MRPL13: variants seen among roughly 807,000 people sequenced by gnomAD.
The protein encoded by MRPL13 is large ribosomal subunit protein uL13m.
MRPL13 carries 33 observed loss-of-function variants against 29.0 expected under a neutral mutation model. The observed-to-expected ratio is 1.14, with a 90% CI of 0.86 to 1.52. MRPL13 has a LOEUF of 1.52. Ranked by LOEUF, MRPL13 falls within the 40% of genes most tolerant of loss-of-function variation. The pLI is 0.00. For missense variants in MRPL13, 227 were observed against 216.7 expected (o/e 1.05, Z -0.30); for synonymous variants, 77 against 68.4 (o/e 1.13, Z -0.62).
At chr8:120,435,591 T>C (rs1813045431) in intron 2 of MRPL13, among the ~76,000 whole-genome samples, 1 of 152,210 alleles carries the variant, frequency 6.6e-6, no homozygotes, top group East Asian at 1.9e-4. Flanking sequence ...CCACATTTTC[T>C]TTATCCAGTC....
At chr8:120,419,662 C>T (rs952700719) in intron 5 of MRPL13, 190 bp downstream of exon 5, 5 of 361,718 alleles carry the variant, frequency 1.4e-5, no homozygotes, top group Non-Finnish European at 2.4e-5. Context: ...AATGATGGTT[C>T]ATTTTACATT....
At chr8:120,417,467 T>C (rs866762460) in intron 5 of MRPL13, among the ~76,000 whole-genome samples, 3 of 152,202 alleles carry the variant, frequency 2.0e-5, no homozygotes, top group Non-Finnish European at 4.4e-5. Flanking sequence ...TCCTTCCATA[T>C]TTTTTATATG....
intron 2 of MRPL13, among the ~76,000 whole-genome samples, chr8:120,441,157 C>T (rs915428792): frequency 6.6e-6 from 1 of 151,974 alleles, no homozygotes; most frequent in Admixed American, 6.6e-5. Context: ...TGGGAAGGAA[C>T]AGGTTGGTTT....
chr8:120,406,205 T>C lies in MRPL13; in HGVS notation c.515+7786A>G, dbSNP rs538866566. Among the ~76,000 whole-genome samples, 11 of 152,306 alleles carry C rather than the reference T, an allele frequency of 7.2e-5. No homozygotes were observed. The South Asian group carries it at 1.7e-3, about 23-fold the overall frequency. On this transcript the variant is annotated intron_variant, in intron 6 of 6. Transcript: ENST00000306185. ...ATTTACTCCTTGACAGAAATATAAG[T>C]TGTATTTTAATGAAATTACCATGAT... is the stretch of plus-strand genomic sequence containing the variant.
chr8:120,445,054 G>C lies in MRPL13; in HGVS notation c.27+14C>G. ...TATAATGAACCCCATCAAGCCATAAGAGTCCGAGCTCACCTGGGGCGCCCT... is the reference window on the plus strand; with the variant it reads ...TATAATGAACCCCATCAAGCCATAACAGTCCGAGCTCACCTGGGGCGCCCT... On this transcript the variant is annotated intron_variant, in intron 1 of 6. Transcript: ENST00000306185. The C allele has an allele frequency of 6.2e-7, 1 of 1,613,900 alleles. No homozygotes were observed. The highest frequency in any genetic ancestry group is 1.1e-5 in the South Asian group (1 of 91,070).
Position 120,413,892 on chromosome 8 carries a change from A to T in MRPL13, c.515+99T>A, listed in dbSNP as rs545530768. The T allele has an allele frequency of 3.7e-6, 5 of 1,338,206 alleles. No homozygotes were observed. In the African/African-American group the frequency reaches 6.0e-5, roughly 16 times the overall value. The allele number at this position is 1,338,206 out of a possible 1,614,324, so 82.9% of individuals were successfully genotyped here. A position where few individuals can be genotyped will look rare whatever the true frequency, so the allele number is the denominator to read the frequency against. On this transcript the variant is annotated intron_variant, in intron 6 of 6. Coordinates refer to ENST00000306185, the MANE Select transcript of MRPL13 (RefSeq NM_014078.6). ...GAGTTCCCAGGGGAGCAAAAAAATG[A>T]GTTCACTCTTCCCGCCCTCAAGGAT...
At chr8:120,420,079 G>A in intron 4 of MRPL13, 141 bp from the exon 5 acceptor site, 1 of 438,972 alleles carries the variant, frequency 2.3e-6, no homozygotes, top group Non-Finnish European at 3.9e-6. Context: ...GTGGATATGT[G>A]GAAGCAACAG....
rs1248888497 is a variant in MRPL13, at chr8:120,437,427, AG to A, written c.152-5305del. On this transcript the variant is annotated intron_variant, in intron 2 of 6. Coordinates refer to ENST00000306185, the MANE Select transcript of MRPL13 (RefSeq NM_014078.6). Reference sequence around the variant, plus strand: ...ATCTAATTTTAGCAAAGCTAAAGAAAGGTTTTCCTCTGCTTCCTTTAAATAC... The same window carrying A: ...ATCTAATTTTAGCAAAGCTAAAGAAAGTTTTCCTCTGCTTCCTTTAAATAC... Among the ~76,000 whole-genome samples, 3 of 152,196 alleles carry A rather than the reference AG, an allele frequency of 2.0e-5. No individual in the cohort carries two copies. The East Asian group carries it at 5.8e-4, about 29-fold the overall frequency.
chr8:120,411,523 AGCT>A (rs1371187250), intron 6 of MRPL13, among the ~76,000 whole-genome samples: 9 of 152,368 alleles, frequency 5.9e-5, no homozygotes, highest in Admixed American at 1.3e-4. Context: ...ACTTGATGTC[AGCT>A]CAAATGTGCA....
At chr8:120,431,907 G>C in intron 3 of MRPL13, 123 bp downstream of exon 3, 1 of 630,322 alleles carries the variant, frequency 1.6e-6, no homozygotes, top group Non-Finnish European at 2.5e-6. Flanking sequence ...TACATGGCAT[G>C]AGTAAAATTA....
At chr8:120,432,709 G>C (rs1190472807) in intron 2 of MRPL13, among the ~76,000 whole-genome samples, 1 of 151,936 alleles carries the variant, frequency 6.6e-6, no homozygotes, top group African/African-American at 2.4e-5. Flanking sequence ...TCTCAACTAT[G>C]ACTACGTAAA....
In MRPL13 at chr8:120,445,069, T is replaced by C. The variant is rs746918589; in HGVS notation, c.26A>G (p.Gln9Arg). The C allele has an allele frequency of 4.3e-6, 7 of 1,613,838 alleles. No individual in the cohort carries two copies. The Admixed American group carries it at 5.0e-5, about 12-fold the overall frequency. MSSFSRAP[Q>R]QWATFARIWY... ...CAAGCCATAAGAGTCCGAGCTCACC[T>C]GGGGCGCCCTAGAGAAACTCGACAT... The change falls in exon 1 of 7, where the codon CAG (glutamine) becomes CGG (arginine). Residue 9 changes from glutamine to arginine, a missense_variant and splice_region_variant. By Grantham distance (43) the Gln-to-Arg change is conservative. Coordinates refer to ENST00000306185, the MANE Select transcript of MRPL13 (RefSeq NM_014078.6).
intron 6 of MRPL13, among the ~76,000 whole-genome samples, chr8:120,413,146 T>C (rs1245568871): frequency 6.6e-6 from 1 of 152,222 alleles, no homozygotes; most frequent in Non-Finnish European, 1.5e-5. Flanking sequence ...CTTTGCTTCA[T>C]ATTTTCTAGA....
chr8:120,443,046 TGG>T lies in MRPL13; in HGVS notation c.151+137_151+138del, dbSNP rs1563778890. ...CCAAATTCAGTTTTGGGCGCTAGTA[TGG>T]TTTCAGCAAGAATGGAATACAGGAT... is the stretch of plus-strand genomic sequence containing the variant. On this transcript the variant is annotated intron_variant, in intron 2 of 6. Coordinates refer to ENST00000306185, the MANE Select transcript of MRPL13 (RefSeq NM_014078.6). 1.9e-4 allele frequency: 169 copies of T among 878,786 alleles called. 2 individuals carry two copies. In the African/African-American group the frequency reaches 2.8e-3, roughly 14 times the overall value. The allele number at this position is 878,786 out of a possible 1,614,324, so 54.4% of individuals were successfully genotyped here.
In MRPL13 at chr8:120,439,874, T is replaced by C. The variant is rs536711007; in HGVS notation, c.151+3311A>G. ...AAATCATTTGGAATACTCTTCCTCT[T>C]AGCTCCATAGATCCAAAAATCTGAC... On this transcript the variant is annotated intron_variant, in intron 2 of 6. Transcript: ENST00000306185. Among the ~76,000 whole-genome samples, 11 of 152,356 alleles carry C rather than the reference T, an allele frequency of 7.2e-5. No individual in the cohort carries two copies. The South Asian group carries it at 2.3e-3, about 32-fold the overall frequency.
chr8:120,442,817 G>C (rs376841995), intron 2 of MRPL13, among the ~76,000 whole-genome samples: 12 of 152,122 alleles, frequency 7.9e-5, no homozygotes, highest in African/African-American at 2.4e-4. Flanking sequence ...TTTTAGAAGA[G>C]AGGGCAAAAT....
intron 4 of MRPL13, among the ~76,000 whole-genome samples, chr8:120,420,869 T>A (rs1444914921): frequency 6.6e-6 from 1 of 152,008 alleles, no homozygotes; most frequent in Non-Finnish European, 1.5e-5. Flanking sequence ...TTTGAATTAC[T>A]AAGTTGGTAT....
intron 3 of MRPL13, among the ~76,000 whole-genome samples, chr8:120,428,760 A>C (rs1812962329): frequency 6.6e-6 from 1 of 152,250 alleles, no homozygotes; most frequent in South Asian, 2.1e-4. Context: ...CATTAGAGAA[A>C]TGCAAATCAA....
intron 6 of MRPL13, among the ~76,000 whole-genome samples, chr8:120,403,335 TG>T (rs1812624261): frequency 6.6e-6 from 1 of 152,212 alleles, no homozygotes. Context: ...TCACGTCCTT[TG>T]CAGGAACATG....
Sources: gnomAD v4.1 joint callset for allele counts (sites outside exome capture counted in the v4.1 genomes callset) on GRCh38, gnomAD v4.1.1 for gene constraint, MANE v1.5 for transcripts, NCBI Gene and HGNC (gene_info 2026-07-23, HGNC 2026-07-21) for gene names.